Variants in GRM4 observed in about 807,000 individuals in gnomAD.
The protein encoded by GRM4 is glutamate metabotropic receptor 4.
GRM4 carries 28 observed loss-of-function variants against 81.7 expected under a neutral mutation model. The observed-to-expected ratio is 0.34, with a 90% CI of 0.25 to 0.47. The LOEUF is 0.47. Among genes scored for constraint, GRM4 ranks in the 20% least tolerant of loss-of-function variants. The pLI is 1.00. For synonymous variants in GRM4, 488 were observed against 528.8 expected (o/e 0.92, Z 1.06); for missense variants, 948 against 1,290.0 (o/e 0.73, Z 4.06).
At chr6:34,132,757 C>G (rs1466367406) in intron 2 of GRM4, among the ~76,000 whole-genome samples, 1 of 152,208 alleles carries the variant, frequency 6.6e-6, no homozygotes, top group African/African-American at 2.4e-5. Context: ...GGTCCCGATG[C>G]CTTTCATCTG....
chr6:34,077,272 G>A (rs1767362937), intron 3 of GRM4, among the ~76,000 whole-genome samples: 1 of 152,088 alleles, frequency 6.6e-6, no homozygotes, highest in Non-Finnish European at 1.5e-5. Flanking sequence ...TTTGCCCGAG[G>A]CTGACCAGCA....
intron 1 of GRM4, among the ~76,000 whole-genome samples, chr6:34,154,265 C>G (rs1771102048): frequency 6.6e-6 from 1 of 152,220 alleles, no homozygotes; most frequent in Non-Finnish European, 1.5e-5. Flanking sequence ...GCACACACCT[C>G]CCCTCACCGC....
rs2127439778 is a variant in GRM4 at position 34,032,435 on chromosome 6, T to C, written c.2442+3233A>G. Among the ~76,000 whole-genome samples the C allele has an allele frequency of 3.3e-5, 5 of 152,330 alleles. No individual in the cohort carries two copies. In the East Asian group the frequency reaches 9.6e-4, roughly 29 times the overall value. ...GGGCATCTTGCAGCTCGGCATGACATGGCCCAGACACAGCCCCAGGTTGCC... is the reference window on the plus strand; with the variant it reads ...GGGCATCTTGCAGCTCGGCATGACACGGCCCAGACACAGCCCCAGGTTGCC... On this transcript the variant is annotated intron_variant, in intron 9 of 10. Transcript: ENST00000538487.
chr6:34,118,480 GC>G (rs1160931186), intron 2 of GRM4, among the ~76,000 whole-genome samples: 4 of 152,156 alleles, frequency 2.6e-5, no homozygotes, highest in South Asian at 4.1e-4. Context: ...GGCTGAGGTG[GC>G]CCCCCACACA....
At position 34,028,226 on chromosome 6, in the gene GRM4, T is replaced by C; in HGVS notation, c.2583A>G (p.Lys861=). 6.2e-7 allele frequency: 1 copy of C among 1,614,044 alleles called. No individual in the cohort carries two copies. The highest frequency in any genetic ancestry group is 8.5e-7 in the Non-Finnish European group (1 of 1,180,012). ...ACATGGTGGCCGCCGTAACGACGGC[T>C]TTGAGGCTGCGCTTGCGCTTGGGCA... ...QNVPKRKRSL[K]AVVTAATMSN... is the part of the protein sequence containing the mutation. Residue 861 remains lysine, a synonymous_variant, in exon 10 of 11, where the codon AAA becomes AAG. Transcript: ENST00000538487.
chr6:34,031,752 C>T (rs1216773424), intron 9 of GRM4, among the ~76,000 whole-genome samples: 1 of 152,222 alleles, frequency 6.6e-6, no homozygotes, highest in Non-Finnish European at 1.5e-5. Context: ...AATCCAGCCG[C>T]CTGCTCACCA....
chr6:34,044,381 C>T (rs1562020971), intron 6 of GRM4, among the ~76,000 whole-genome samples: 1 of 150,362 alleles, frequency 6.7e-6, no homozygotes, highest in Non-Finnish European at 1.5e-5. Context: ...CATACACACA[C>T]ATAGACATAC....
chr6:34,059,256 C>T lies in GRM4; in HGVS notation c.873-128G>A. 2 of 785,380 alleles carry T rather than the reference C, an allele frequency of 2.5e-6. No individual in the cohort carries two copies. The highest frequency in any genetic ancestry group is 4.2e-6 in the Non-Finnish European group (2 of 480,998). The allele number at this position is 785,380 out of a possible 1,614,324, so 48.7% of individuals were successfully genotyped here. Reference sequence around the variant, plus strand: ...CCCAGGGTCCACAACTGTCCCAGCACCGATGCTTTCACCCCAAGCCATGGA... The same window carrying T: ...CCCAGGGTCCACAACTGTCCCAGCATCGATGCTTTCACCCCAAGCCATGGA... On this transcript the variant is annotated intron_variant, in intron 4 of 10. Coordinates refer to ENST00000538487, the MANE Select transcript of GRM4 (RefSeq NM_000841.4). The surrounding 1 kb of genome is among the most constrained non-coding windows in gnomAD (Gnocchi z 5.7).
At chr6:34,030,462 T>C (rs1478534841) in intron 9 of GRM4, among the ~76,000 whole-genome samples, 2 of 152,202 alleles carry the variant, frequency 1.3e-5, no homozygotes, top group Non-Finnish European at 2.9e-5. Flanking sequence ...AGAGGAACCC[T>C]TGCAGTGGAC....
At position 34,021,899 on chromosome 6, in the gene GRM4, C is replaced by T. The variant is rs1763885326; in HGVS notation, c.*922G>A. 1 of 152,828 alleles carries T rather than the reference C, an allele frequency of 6.5e-6. No homozygotes were observed. The highest frequency in any genetic ancestry group is 2.4e-5 in the African/African-American group (1 of 41,448). 9.5% of individuals were successfully genotyped at this position (152,828 alleles called of 1,614,324 possible). A position where few individuals can be genotyped will look rare whatever the true frequency, so the allele number is the denominator to read the frequency against. On this transcript the variant is annotated 3_prime_UTR_variant, in exon 11 of 11. Coordinates refer to ENST00000538487, the MANE Select transcript of GRM4 (RefSeq NM_000841.4). This position sits in a 1 kb window ranked among gnomAD's most constrained non-coding sequence, Gnocchi z 5.3. ...ATTAGAAATGTTCTTGGTATAAAAA[C>T]AATCATGCGCTACACATTGTCGTCA...
chr6:34,145,631 CGCT>C (rs533238725), intron 1 of GRM4, among the ~76,000 whole-genome samples: 6 of 152,302 alleles, frequency 3.9e-5, no homozygotes, highest in Admixed American at 1.3e-4. Flanking sequence ...GCGAGGAAGG[CGCT>C]GAGAGGGGAG....
intron 2 of GRM4, among the ~76,000 whole-genome samples, chr6:34,095,055 C>T (rs571949533): frequency 2.6e-5 from 4 of 152,318 alleles, no homozygotes; most frequent in South Asian, 2.1e-4. Context: ...CCCTGGCCCA[C>T]GGCACACACT....
chr6:34,040,804 G>T, intron 6 of GRM4, 56 bp from the exon 7 acceptor site: 4 of 1,465,110 alleles, frequency 2.7e-6, no homozygotes, highest in Non-Finnish European at 2.8e-6. Context: ...CCTCACAGTG[G>T]TGTCATGGGG....
chr6:34,153,223 T>C (rs1252864080), intron 1 of GRM4, among the ~76,000 whole-genome samples: 1 of 152,014 alleles, frequency 6.6e-6, no homozygotes. Flanking sequence ...TCCTCAGCCC[T>C]CCCTACCTCC....
intron 8 of GRM4, among the ~76,000 whole-genome samples, chr6:34,038,386 G>A (rs767129255): frequency 2.0e-5 from 3 of 152,234 alleles, no homozygotes; most frequent in African/African-American, 7.2e-5. Flanking sequence ...GCTCCATGAG[G>A]GCAGAGGCAT....
At chr6:34,041,421 C>T (rs1765015632) in intron 6 of GRM4, among the ~76,000 whole-genome samples, 1 of 152,214 alleles carries the variant, frequency 6.6e-6, no homozygotes, top group South Asian at 2.1e-4. Context: ...ACTTTGCAAA[C>T]TGAGAAACCC....
chr6:34,026,314 G>T (rs891309967), intron 10 of GRM4, among the ~76,000 whole-genome samples: 1 of 152,132 alleles, frequency 6.6e-6, no homozygotes, highest in Non-Finnish European at 1.5e-5. Flanking sequence ...GTGCCTCCAT[G>T]GCCCCTGTTG....
intron 2 of GRM4, among the ~76,000 whole-genome samples, chr6:34,104,645 G>C (rs781528572): frequency 1.1e-4 from 17 of 152,226 alleles, no homozygotes; most frequent in Non-Finnish European, 2.4e-4. Context: ...TCCATTCCCA[G>C]CCTCCTGCCC....
intron 3 of GRM4, among the ~76,000 whole-genome samples, chr6:34,073,417 AC>A (rs1401931309): frequency 7.1e-6 from 1 of 139,926 alleles, no homozygotes; most frequent in African/African-American, 2.9e-5. Context: ...TCACATACAC[AC>A]CACACACACA....
Sources: gnomAD v4.1 joint callset for allele counts (sites outside exome capture counted in the v4.1 genomes callset) on GRCh38, gnomAD v4.1.1 for gene constraint, Gnocchi (gnomAD v3.1) non-coding constraint, MANE v1.5 for transcripts, NCBI Gene and HGNC (gene_info 2026-07-23, HGNC 2026-07-21) for gene names.